The following EMC2 variants were observed in gnomAD, a reference collection of about 807,000 sequenced individuals.
The protein encoded by EMC2 is ER membrane protein complex subunit 2, also known as TPR repeat protein 35.
EMC2 carries 37 observed loss-of-function variants against 51.6 expected under a neutral mutation model. The observed-to-expected ratio is 0.72, with a 90% CI of 0.55 to 0.94. The LOEUF (loss-of-function observed/expected upper bound fraction) is 0.94, where lower values mean the gene tolerates loss of function less well. Ranked by LOEUF, EMC2 falls within the 40% of genes least tolerant of loss-of-function variation. The probability of loss-of-function intolerance (pLI) is 0.00; values close to 1 mark genes in which losing one functional copy is unlikely to be tolerated. For missense variants in EMC2, 359 were observed against 350.9 expected (o/e 1.02, Z -0.18); for synonymous variants, 131 against 112.4 (o/e 1.17, Z -1.04).
At chr8:108,453,216 T>C in intron 4 of EMC2, 69 bp downstream of exon 4, 2 of 810,490 alleles carry the variant, frequency 2.5e-6, no homozygotes, top group Non-Finnish European at 4.0e-6. Context: ...TTTTTTTTTT[T>C]AATTCAGACA....
At chr8:108,453,185 T>TTAA in intron 4 of EMC2, 38 bp downstream of exon 4, 1 of 1,235,918 alleles carries the variant, frequency 8.1e-7, no homozygotes, top group Non-Finnish European at 1.2e-6. Context: ...ATGGAGCCTG[T>TTAA]TAATCATGGT....
intron 5 of EMC2, among the ~76,000 whole-genome samples, chr8:108,459,884 C>T (rs931799321): frequency 1.3e-5 from 2 of 152,226 alleles, no homozygotes; most frequent in South Asian, 2.1e-4. Context: ...GAAATAGCTT[C>T]TATAAGCTAA....
chr8:108,476,443 C>A (rs1309836831), intron 8 of EMC2, among the ~76,000 whole-genome samples: 1 of 151,774 alleles, frequency 6.6e-6, no homozygotes, highest in Non-Finnish European at 1.5e-5. Context: ...TATTTAAGTC[C>A]ACATTTATAA....
chr8:108,446,181 A>T (rs1818873901), intron 1 of EMC2: 6 of 310,468 alleles, frequency 1.9e-5, no homozygotes, highest in Non-Finnish European at 4.0e-5. Flanking sequence ...CAGGCCTGGC[A>T]CATAGGCATT....
At position 108,464,992 on chromosome 8, in the gene EMC2, CA is replaced by C. The variant is rs796547519; in HGVS notation, c.364-4833del. On this transcript the variant is annotated intron_variant, in intron 5 of 10. Transcript: ENST00000220853. ...CTGGGTCCCTGAGTCTGGAGTGAGG[CA>C]GGGGGGAGGTTATAGATTGTATTTT... is the stretch of plus-strand genomic sequence containing the variant. 2.0e-5 allele frequency among the ~76,000 whole-genome samples: 3 copies of C among 152,216 alleles called. No individual in the cohort carries two copies. In the East Asian group the frequency reaches 5.8e-4, roughly 29 times the overall value.
Position 108,447,585 on chromosome 8 carries a change from A to C in EMC2, c.41-2238A>C, listed in dbSNP as rs1275318926. On this transcript the variant is annotated intron_variant, in intron 1 of 10. Coordinates refer to ENST00000220853, the MANE Select transcript of EMC2 (RefSeq NM_014673.5). ...GAAGTAGTTTTGGACTAAAGAAATCATAATTAAGTAGCAGGCATATTTTTC... is the reference window on the plus strand; with the variant it reads ...GAAGTAGTTTTGGACTAAAGAAATCCTAATTAAGTAGCAGGCATATTTTTC... Among the ~76,000 whole-genome samples the C allele has an allele frequency of 3.9e-5, 6 of 152,224 alleles. 1 individual carries two copies. The highest frequency in any genetic ancestry group is 3.9e-4 in the Admixed American group (6 of 15,288).
Position 108,453,138 on chromosome 8 carries a change from C to T in EMC2, c.296C>T (p.Ala99Val). Residue 99 changes from alanine to valine, a missense_variant, in exon 4 of 11, where the codon GCC becomes GTC. By Grantham distance (64) the Ala-to-Val change is moderately conservative. Transcript: ENST00000220853. Reference sequence around the variant, plus strand: ...CGATTAACAGGCATGAGATTTGAAGCCATGGAAAGGTAACCAAATCTTATC... The same window carrying T: ...CGATTAACAGGCATGAGATTTGAAGTCATGGAAAGGTAACCAAATCTTATC... ...VKRLTGMRFE[A>V]MERYDDAIQL... 6.3e-7 allele frequency: 1 copy of T among 1,595,890 alleles called. No individual in the cohort carries two copies. The highest frequency in any genetic ancestry group is 8.6e-7 in the Non-Finnish European group (1 of 1,168,354).
chr8:108,455,120 A>T (rs1217505232), intron 4 of EMC2, among the ~76,000 whole-genome samples: 1 of 152,022 alleles, frequency 6.6e-6, no homozygotes, highest in East Asian at 1.9e-4. Context: ...GTCTATCATA[A>T]GTTTAGGAAA....
intron 5 of EMC2, among the ~76,000 whole-genome samples, chr8:108,457,535 G>C (rs536170773): frequency 6.6e-6 from 1 of 152,082 alleles, no homozygotes; most frequent in African/African-American, 2.4e-5. Context: ...AAGGCAAGGA[G>C]GAACAAGTTA....
intron 5 of EMC2, among the ~76,000 whole-genome samples, chr8:108,468,356 C>T (rs1039259377): frequency 1.1e-4 from 16 of 152,080 alleles, no homozygotes; most frequent in Non-Finnish European, 1.6e-4. Flanking sequence ...ACTTAGTAAA[C>T]TTATTTTAAA....
At chr8:108,445,729 G>A (rs565912297) in intron 1 of EMC2, among the ~76,000 whole-genome samples, 44 of 152,156 alleles carry the variant, frequency 2.9e-4, no homozygotes, top group Non-Finnish European at 5.4e-4. Flanking sequence ...TCTCTCCTAA[G>A]ATGAAAGGGA....
intron 3 of EMC2, 33 bp downstream of exon 3, chr8:108,450,525 G>C (rs1391299826): frequency 2.4e-6 from 3 of 1,267,492 alleles, no homozygotes; most frequent in South Asian, 2.4e-5. Context: ...TATTTAATTT[G>C]CTTCATCAAT....
chr8:108,475,538 C>A, intron 7 of EMC2: 1 of 168,384 alleles, frequency 5.9e-6, no homozygotes, highest in Non-Finnish European at 1.3e-5. Flanking sequence ...AGTCAACTTC[C>A]AGAAGTTGTT....
chr8:108,447,251 C>A (rs768904032), intron 1 of EMC2, among the ~76,000 whole-genome samples: 50 of 142,298 alleles, frequency 3.5e-4, no homozygotes, highest in Non-Finnish European at 6.5e-4. Context: ...ATCCACTGAA[C>A]CGATTTTATA....
At chr8:108,483,855 A>T (rs1161496525) in intron 10 of EMC2, among the ~76,000 whole-genome samples, 1 of 152,156 alleles carries the variant, frequency 6.6e-6, no homozygotes, top group African/African-American at 2.4e-5. Flanking sequence ...GACATTCTTG[A>T]TAACTAGGTA....
At position 108,479,051 on chromosome 8, in the gene EMC2, A is replaced by G. The variant is rs2130408674; in HGVS notation, c.748A>G (p.Lys250Glu). The change falls in exon 10 of 11, where the codon AAA becomes GAA. Residue 250 changes from lysine to glutamate, a missense_variant. Lys to Glu is a moderately conservative substitution (Grantham distance 56, BLOSUM62 1). Coordinates refer to ENST00000220853, the MANE Select transcript of EMC2 (RefSeq NM_014673.5). ...TAATCCAAAAGCAAGTGCAAAAACG[A>G]AAAAGGACAACATGAAATATGCTAG... ...ASNPKASAKT[K>E]KDNMKYASWA... 1 of 1,589,634 alleles carries G rather than the reference A, an allele frequency of 6.3e-7. No individual in the cohort carries two copies. The highest frequency in any genetic ancestry group is 8.6e-7 in the Non-Finnish European group (1 of 1,167,538).
chr8:108,477,892 C>T (rs1259844697), intron 9 of EMC2, among the ~76,000 whole-genome samples: 1 of 151,968 alleles, frequency 6.6e-6, no homozygotes, highest in Admixed American at 6.6e-5. Flanking sequence ...AGTAGGTGCT[C>T]TCAATACTAT....
At chr8:108,450,226 G>T (rs1818983343) in intron 2 of EMC2, among the ~76,000 whole-genome samples, 1 of 152,018 alleles carries the variant, frequency 6.6e-6, no homozygotes, top group Non-Finnish European at 1.5e-5. Context: ...TTAAATAATT[G>T]GAGATTTTAA....
chr8:108,482,139 C>G (rs1336099756), intron 10 of EMC2, among the ~76,000 whole-genome samples: 1 of 152,076 alleles, frequency 6.6e-6, no homozygotes, highest in East Asian at 1.9e-4. Flanking sequence ...TCTAATAGCC[C>G]CACATCTTCA....
Sources: gnomAD v4.1 joint callset for allele counts (sites outside exome capture counted in the v4.1 genomes callset) on GRCh38, gnomAD v4.1.1 for gene constraint, MANE v1.5 for transcripts, NCBI Gene and HGNC (gene_info 2026-07-23, HGNC 2026-07-21) for gene names.